Variants in SIK3 observed in about 807,000 individuals in gnomAD.
SIK3 encodes serine/threonine-protein kinase SIK3.
A neutral mutation model predicts 144.2 loss-of-function variants in SIK3; 28 were observed. The ratio of observed to expected loss-of-function variants is 0.19; its 90% CI spans 0.14 to 0.27. The LOEUF is 0.27. Ranked by LOEUF, SIK3 falls within the 10% of genes least tolerant of loss-of-function variation. The probability of loss-of-function intolerance (pLI) is 1.00; values close to 1 mark genes in which losing one functional copy is unlikely to be tolerated. For synonymous variants in SIK3, 686 were observed against 676.3 expected (o/e 1.01, Z -0.22); for missense variants, 1,319 against 1,776.0 (o/e 0.74, Z 4.62).
intron 1 of SIK3, among the ~76,000 whole-genome samples, chr11:116,992,197 C>T (rs532174623): frequency 3.6e-4 from 55 of 151,608 alleles, no homozygotes; most frequent in African/African-American, 1.2e-3. Flanking sequence ...TGGTGGTGGG[C>T]GCCTATAATC....
chr11:117,029,613 A>C (rs1347454922), intron 1 of SIK3, among the ~76,000 whole-genome samples: 1 of 152,148 alleles, frequency 6.6e-6, no homozygotes, highest in Non-Finnish European at 1.5e-5. Context: ...AAGGGGAGGT[A>C]ACAAATTAGA....
chr11:117,036,758 C>T (rs1051332838), intron 1 of SIK3, among the ~76,000 whole-genome samples: 2 of 152,000 alleles, frequency 1.3e-5, no homozygotes, highest in African/African-American at 4.8e-5. Flanking sequence ...TCCAATGGGG[C>T]AATGAAAAAC....
intron 1 of SIK3, among the ~76,000 whole-genome samples, chr11:117,044,353 T>C (rs1218453906): frequency 6.6e-6 from 1 of 152,194 alleles, no homozygotes; most frequent in Non-Finnish European, 1.5e-5. Flanking sequence ...TCTTATTCTA[T>C]ACACAGCAAG....
chr11:117,054,462 C>T (rs1953418931), intron 1 of SIK3, among the ~76,000 whole-genome samples: 1 of 152,134 alleles, frequency 6.6e-6, no homozygotes, highest in Non-Finnish European at 1.5e-5. Context: ...AGAGACCCAT[C>T]AGAGGCCTTT....
chr11:117,084,809 C>G (rs1460866512), intron 1 of SIK3, among the ~76,000 whole-genome samples: 1 of 152,046 alleles, frequency 6.6e-6, no homozygotes, highest in Non-Finnish European at 1.5e-5. Context: ...AAGAGGGATG[C>G]TGTACTAATA....
At position 116,870,407 on chromosome 11, in the gene SIK3, G is replaced by C; in HGVS notation, c.1738-6C>G. ...GGGGTAACTGCTGGCACTGCCTGAA[G>C]AGAGACAGGAAGGAAAAGCTCAAGG... On this transcript the variant is annotated splice_polypyrimidine_tract_variant and splice_region_variant and intron_variant, in intron 13 of 24. Coordinates refer to ENST00000445177, the MANE Select transcript of SIK3 (RefSeq NM_001366686.3). 1 of 1,612,278 alleles carries C rather than the reference G, an allele frequency of 6.2e-7. No individual in the cohort carries two copies. The highest frequency in any genetic ancestry group is 1.3e-5 in the African/African-American group (1 of 75,000).
chr11:116,981,543 G>C (rs1950140703), intron 1 of SIK3, among the ~76,000 whole-genome samples: 1 of 152,208 alleles, frequency 6.6e-6, no homozygotes, highest in Non-Finnish European at 1.5e-5. Flanking sequence ...TCTACTTCTT[G>C]ATAGTACAAT....
chr11:116,932,986 G>C (rs774718198), intron 3 of SIK3, among the ~76,000 whole-genome samples: 1 of 151,968 alleles, frequency 6.6e-6, no homozygotes. Flanking sequence ...GACCAAGCTG[G>C]TCTCAAACTC....
intron 1 of SIK3, among the ~76,000 whole-genome samples, chr11:117,018,284 CAGATACCA>C (rs1273073339): frequency 3.3e-5 from 5 of 152,146 alleles, no homozygotes; most frequent in Admixed American, 2.6e-4. Flanking sequence ...TCACATCCTG[CAGATACCA>C]CTGTTTTGAT....
intron 1 of SIK3, among the ~76,000 whole-genome samples, chr11:117,079,469 A>G (rs536658959): frequency 6.6e-6 from 1 of 152,342 alleles, no homozygotes; most frequent in Non-Finnish European, 1.5e-5. Flanking sequence ...AGACACTGAA[A>G]ATAAGAGCAA....
intron 15 of SIK3, among the ~76,000 whole-genome samples, chr11:116,866,195 T>A (rs896199735): frequency 6.6e-6 from 1 of 152,038 alleles, no homozygotes; most frequent in Admixed American, 6.6e-5. Flanking sequence ...GTTCCCCTCA[T>A]AAGAAGACCT....
intron 1 of SIK3, among the ~76,000 whole-genome samples, chr11:117,059,089 A>T (rs543994447): frequency 4.1e-4 from 62 of 152,358 alleles, no homozygotes; most frequent in African/African-American, 1.4e-3. Context: ...GAAGAACTGA[A>T]AAGACAGGAA....
intron 3 of SIK3, among the ~76,000 whole-genome samples, chr11:116,934,023 C>A (rs1413415103): frequency 6.6e-6 from 1 of 152,180 alleles, no homozygotes; most frequent in Admixed American, 6.5e-5. Context: ...AAAAGTATAA[C>A]CTTCTCAGAG....
chr11:116,886,094 A>G (rs1944802375), intron 6 of SIK3, among the ~76,000 whole-genome samples: 1 of 152,226 alleles, frequency 6.6e-6, no homozygotes, highest in Admixed American at 6.5e-5. Flanking sequence ...CTAATAATAA[A>G]TAGGGCAGTA....
chr11:117,093,782 G>A (rs1257963966), intron 1 of SIK3, among the ~76,000 whole-genome samples: 1 of 151,936 alleles, frequency 6.6e-6, no homozygotes, highest in Non-Finnish European at 1.5e-5. Flanking sequence ...TCTCAAAGTG[G>A]CACCTGCAAT....
At chr11:116,853,618 G>A (rs1349601868) in intron 21 of SIK3, among the ~76,000 whole-genome samples, 1 of 152,176 alleles carries the variant, frequency 6.6e-6, no homozygotes, top group South Asian at 2.1e-4. Context: ...GAGCAATAAC[G>A]TGACTGCATA....
At chr11:116,956,799 G>C (rs1405082777) in intron 2 of SIK3, 149 bp downstream of exon 2, 1 of 485,694 alleles carries the variant, frequency 2.1e-6, no homozygotes, top group East Asian at 3.1e-5. Context: ...AGTGCTGAGC[G>C]CGTAAACAGA....
At chr11:117,084,405 A>C (rs1290719847) in intron 1 of SIK3, among the ~76,000 whole-genome samples, 1 of 152,088 alleles carries the variant, frequency 6.6e-6, no homozygotes, top group Non-Finnish European at 1.5e-5. Flanking sequence ...AGCTAGGATT[A>C]CAGGCATGCA....
chr11:116,999,043 A>G (rs1481869692), intron 1 of SIK3, among the ~76,000 whole-genome samples: 2 of 152,214 alleles, frequency 1.3e-5, no homozygotes, highest in Non-Finnish European at 2.9e-5. Context: ...CAAATTCCAA[A>G]TCCAATTCCA....
Sources: gnomAD v4.1 joint callset for allele counts (sites outside exome capture counted in the v4.1 genomes callset) on GRCh38, gnomAD v4.1.1 for gene constraint, MANE v1.5 for transcripts, NCBI Gene and HGNC (gene_info 2026-07-23, HGNC 2026-07-21) for gene names.